Variants in ABCG1 observed in about 807,000 individuals in gnomAD.
ABCG1 encodes the protein ATP-binding cassette sub-family G member 1.
A neutral mutation model predicts 69.2 loss-of-function variants in ABCG1; 29 were observed. The observed-to-expected ratio is 0.42, with a 90% CI of 0.31 to 0.57. The LOEUF (loss-of-function observed/expected upper bound fraction) is 0.57, where lower values mean the gene tolerates loss of function less well. ABCG1 is among the 20% of genes least tolerant of loss of function. The probability of loss-of-function intolerance (pLI) is 0.15; values close to 1 mark genes in which losing one functional copy is unlikely to be tolerated. For missense variants in ABCG1, 718 were observed against 898.1 expected (o/e 0.80, Z 2.56); for synonymous variants, 370 against 374.8 (o/e 0.99, Z 0.15).
chr21:42,279,497 G>A (rs3788000), intron 5 of ABCG1, among the ~76,000 whole-genome samples: 29,324 of 152,162 alleles, frequency 0.19, 2,929 homozygotes, highest in South Asian at 0.3. Context: ...GCCACTGCCT[G>A]CTGTGCCCCG....
chr21:42,248,063 G>A (rs533985461), intron 2 of ABCG1, among the ~76,000 whole-genome samples: 1 of 152,300 alleles, frequency 6.6e-6, no homozygotes, highest in Admixed American at 6.5e-5. Flanking sequence ...AGAAAAGGAA[G>A]CAAAGATGGT....
At chr21:42,241,487 C>T (rs2068049873) in intron 2 of ABCG1, among the ~76,000 whole-genome samples, 1 of 151,932 alleles carries the variant, frequency 6.6e-6, no homozygotes, top group East Asian at 1.9e-4. Flanking sequence ...CGCCTGTAGT[C>T]CCAGCTACTC....
intron 11 of ABCG1, 22 bp downstream of exon 11, chr21:42,290,240 CCTT>C: frequency 6.2e-7 from 1 of 1,602,566 alleles, no homozygotes; most frequent in Non-Finnish European, 8.5e-7. Context: ...ACCGCTGACC[CCTT>C]CTTCCTTATT....
At chr21:42,260,220 C>A in intron 2 of ABCG1, 1 of 1,541,504 alleles carries the variant, frequency 6.5e-7, no homozygotes, top group Non-Finnish European at 8.7e-7. Context: ...TCACTTCAAC[C>A]CTGCAGGTGG....
chr21:42,248,699 G>A (rs1569218258), intron 2 of ABCG1, among the ~76,000 whole-genome samples: 1 of 151,726 alleles, frequency 6.6e-6, no homozygotes, highest in Non-Finnish European at 1.5e-5. Context: ...AGCAGCCTGG[G>A]CAACATGGCG....
At chr21:42,210,603 C>T (rs1343607974) in intron 2 of ABCG1, among the ~76,000 whole-genome samples, 2 of 152,226 alleles carry the variant, frequency 1.3e-5, no homozygotes, top group African/African-American at 4.8e-5. Flanking sequence ...GTCTGTAATA[C>T]TTAACTTGTC....
At chr21:42,209,051 C>A (rs1161031825) in intron 2 of ABCG1, among the ~76,000 whole-genome samples, 3 of 152,126 alleles carry the variant, frequency 2.0e-5, no homozygotes, top group African/African-American at 4.8e-5. Context: ...AGTCTGCAGG[C>A]ACCAGGAGAG....
intron 1 of ABCG1, among the ~76,000 whole-genome samples, chr21:42,221,581 G>A (rs1355552948): frequency 6.6e-6 from 1 of 152,176 alleles, no homozygotes; most frequent in African/African-American, 2.4e-5. Flanking sequence ...CCTCAAGTGC[G>A]GTCTGGTCTC....
intron 2 of ABCG1, among the ~76,000 whole-genome samples, chr21:42,262,536 T>C (rs570150083): frequency 6.6e-6 from 1 of 152,336 alleles, no homozygotes; most frequent in South Asian, 2.1e-4. Flanking sequence ...TGATCCTCTG[T>C]TCAATATTTC....
upstream of ABCG1, among the ~76,000 whole-genome samples, chr21:42,213,450 G>C (rs1186179915): frequency 1.3e-5 from 2 of 152,266 alleles, no homozygotes. Context: ...TTGGGGTCCA[G>C]GCAGAGAACT....
At chr21:42,209,562 C>G (rs1356168512) in intron 2 of ABCG1, among the ~76,000 whole-genome samples, 1 of 152,198 alleles carries the variant, frequency 6.6e-6, no homozygotes, top group African/African-American at 2.4e-5. Context: ...CTAGAAACTA[C>G]TTGTAAGGAT....
chr21:42,236,700 AG>A (rs369130741), intron 2 of ABCG1, among the ~76,000 whole-genome samples: 79 of 152,318 alleles, frequency 5.2e-4, no homozygotes, highest in African/African-American at 1.8e-3. Flanking sequence ...ACAGTTTCCA[AG>A]CCTAAACCCA....
upstream of ABCG1, among the ~76,000 whole-genome samples, chr21:42,212,907 A>G (rs918732430): frequency 1.3e-5 from 2 of 152,012 alleles, no homozygotes; most frequent in African/African-American, 2.4e-5. Context: ...GTTAGCCAGG[A>G]TGGTCTCGAT....
rs924863915 is a variant in ABCG1, at chr21:42,273,528, G to A, written c.537+93G>A. The A allele has an allele frequency of 4.8e-6, 7 of 1,448,976 alleles. No individual in the cohort carries two copies. The African/African-American group carries it at 7.1e-5, about 15-fold the overall frequency. The allele number at this position is 1,448,976 out of a possible 1,614,324, so 89.8% of individuals were successfully genotyped here. A position where few individuals can be genotyped will look rare whatever the true frequency, so the allele number is the denominator to read the frequency against. ...GCACTGGCCGAGTGCCCAGCTGCGA[G>A]GGACCCAAGGGCTCTGCCACGCGGC... On this transcript the variant is annotated intron_variant, in intron 4 of 14. Coordinates refer to ENST00000398449, the MANE Select transcript of ABCG1 (RefSeq NM_016818.3). This position sits in a 1 kb window ranked among gnomAD's most constrained non-coding sequence, Gnocchi z 5.3.
intron 2 of ABCG1, chr21:42,259,270 A>T (rs1366015555): frequency 1.3e-6 from 2 of 1,507,834 alleles, no homozygotes; most frequent in Non-Finnish European, 1.8e-6. Flanking sequence ...TGGAGACCAG[A>T]TCTGTGCTCT....
At chr21:42,246,498 G>A (rs192946045) in intron 2 of ABCG1, among the ~76,000 whole-genome samples, 102 of 152,292 alleles carry the variant, frequency 6.7e-4, no homozygotes, top group African/African-American at 2.0e-3. Flanking sequence ...CCTCACTGAC[G>A]TAAAGGGATG....
intron 2 of ABCG1, among the ~76,000 whole-genome samples, chr21:42,254,129 TGAATGTGA>T (rs1006723783): frequency 6.6e-6 from 1 of 152,128 alleles, no homozygotes; most frequent in African/African-American, 2.4e-5. Flanking sequence ...TGGGGAATGC[TGAATGTGA>T]GGGAGACCCC....
intron 2 of ABCG1, among the ~76,000 whole-genome samples, chr21:42,265,108 A>G (rs1044112374): frequency 3.9e-5 from 6 of 152,134 alleles, no homozygotes; most frequent in Non-Finnish European, 7.4e-5. Flanking sequence ...ACAGGGGTTC[A>G]TAGGAGCTGC....
At chr21:42,271,046 T>G (rs1006029529) in intron 2 of ABCG1, 24 bp from the exon 3 acceptor site, 2 of 1,403,698 alleles carry the variant, frequency 1.4e-6, no homozygotes, top group African/African-American at 1.5e-5. Context: ...GAAATGAATA[T>G]GAATATGATC....
Sources: allele counts gnomAD v4.1 joint callset (sites outside exome capture counted in the v4.1 genomes callset), GRCh38; gene constraint gnomAD v4.1.1; non-coding constraint Gnocchi (gnomAD v3.1); transcripts MANE v1.5; gene names NCBI Gene and HGNC (gene_info 2026-07-23, HGNC 2026-07-21).